ADCY8: variants seen among roughly 807,000 people sequenced by gnomAD.
The protein encoded by ADCY8 is adenylate cyclase 8, also known as adenylate cyclase type 8.
A neutral mutation model predicts 119.7 loss-of-function variants in ADCY8; 51 were observed. That is an observed-to-expected ratio of 0.43 (90% confidence interval 0.34 to 0.54). The LOEUF (loss-of-function observed/expected upper bound fraction) is 0.54, where lower values mean the gene tolerates loss of function less well. Ranked by LOEUF, ADCY8 falls within the 20% of genes least tolerant of loss-of-function variation. The probability of loss-of-function intolerance (pLI) is 0.03; values close to 1 mark genes in which losing one functional copy is unlikely to be tolerated. For synonymous variants in ADCY8, 665 were observed against 651.0 expected (o/e 1.02, Z -0.33); for missense variants, 1,383 against 1,598.8 (o/e 0.87, Z 2.30).
chr8:130,918,300 C>A (rs1476021083), intron 5 of ADCY8, among the ~76,000 whole-genome samples: 1 of 152,132 alleles, frequency 6.6e-6, no homozygotes, highest in Non-Finnish European at 1.5e-5. Flanking sequence ...TCCTACTGTG[C>A]CCCTACAAGG....
intron 12 of ADCY8, among the ~76,000 whole-genome samples, chr8:130,822,667 C>A (rs1237962977): frequency 6.6e-6 from 1 of 152,090 alleles, no homozygotes; most frequent in Non-Finnish European, 1.5e-5. Flanking sequence ...TCCTTTTATT[C>A]TTTCATGTCA....
intron 14 of ADCY8, among the ~76,000 whole-genome samples, chr8:130,807,061 G>T (rs998115389): frequency 6.6e-6 from 1 of 152,160 alleles, no homozygotes. Context: ...AGCTATTATT[G>T]GTTTATTGTG....
At chr8:130,869,939 CTCTTCT>C (rs757467612) in intron 8 of ADCY8, among the ~76,000 whole-genome samples, 24 of 145,380 alleles carry the variant, frequency 1.7e-4, no homozygotes, top group South Asian at 1.3e-3. Context: ...CCTCCTCCTC[CTCTTCT>C]TCTTCTTCTT....
intron 14 of ADCY8, among the ~76,000 whole-genome samples, chr8:130,810,146 G>T (rs1041435138): frequency 1.3e-5 from 2 of 152,110 alleles, no homozygotes; most frequent in African/African-American, 4.8e-5. Flanking sequence ...TTGTGGCTCC[G>T]TGAAACTCAC....
intron 6 of ADCY8, among the ~76,000 whole-genome samples, chr8:130,905,720 C>T (rs1182229311): frequency 1.3e-5 from 2 of 151,956 alleles, no homozygotes; most frequent in African/African-American, 2.4e-5. Flanking sequence ...GTTAGCTGGG[C>T]GTGGTGGTGC....
At chr8:130,846,277 C>T (rs995117952) in intron 11 of ADCY8, among the ~76,000 whole-genome samples, 1 of 152,000 alleles carries the variant, frequency 6.6e-6, no homozygotes. Flanking sequence ...GAATGTCTAC[C>T]CTAATATGTA....
chr8:130,833,206 C>T (rs1816891112), intron 12 of ADCY8, among the ~76,000 whole-genome samples: 2 of 152,178 alleles, frequency 1.3e-5, no homozygotes, highest in Non-Finnish European at 2.9e-5. Flanking sequence ...GCACACAGTA[C>T]TTAAAAAGTG....
intron 2 of ADCY8, among the ~76,000 whole-genome samples, chr8:130,979,710 A>G (rs938336156): frequency 6.6e-6 from 1 of 152,202 alleles, no homozygotes; most frequent in African/African-American, 2.4e-5. Context: ...TATAAAATGG[A>G]GGTAAAAAAT....
rs547562926 is a variant in ADCY8, at chr8:130,902,272, G to A, written c.1911+1500C>T. ...AACAATAGGCAAAAGCAGCAGAGAGGGCACTGTCAGCTGGTCATGCACCCA... is the reference window on the plus strand; with the variant it reads ...AACAATAGGCAAAAGCAGCAGAGAGAGCACTGTCAGCTGGTCATGCACCCA... On this transcript the variant is annotated intron_variant, in intron 7 of 17. Coordinates refer to ENST00000286355, the MANE Select transcript of ADCY8 (RefSeq NM_001115.3). Among the ~76,000 whole-genome samples, 77 of 152,184 alleles carry A rather than the reference G, an allele frequency of 5.1e-4. 1 individual carries two copies. Among genetic ancestry groups the A allele is most frequent in the African/African-American group, 1.8e-3 (76 of 41,526 alleles).
chr8:130,847,378 T>G, intron 11 of ADCY8, 46 bp downstream of exon 11: 2 of 1,400,330 alleles, frequency 1.4e-6, no homozygotes, highest in Non-Finnish European at 2.0e-6. Flanking sequence ...CTGGTAGAGA[T>G]ATATCTATGT....
chr8:131,004,633 T>C (rs1823057901), intron 1 of ADCY8, among the ~76,000 whole-genome samples: 6 of 152,224 alleles, frequency 3.9e-5, no homozygotes, highest in Admixed American at 3.9e-4. Flanking sequence ...CTTATTCATC[T>C]GTAGAGTAAT....
intron 5 of ADCY8, 116 bp from the exon 6 acceptor site, chr8:130,909,982 G>A: frequency 1.0e-6 from 1 of 959,274 alleles, no homozygotes; most frequent in Non-Finnish European, 1.5e-6. Context: ...CTGTCGCCCA[G>A]GCTGGAGTGC....
chr8:130,841,994 T>C (rs1313629745), intron 11 of ADCY8, among the ~76,000 whole-genome samples: 2 of 152,148 alleles, frequency 1.3e-5, no homozygotes. Flanking sequence ...CACAAGGTGA[T>C]GGGAAGATGG....
At chr8:130,958,523 C>T (rs1229508491) in intron 2 of ADCY8, among the ~76,000 whole-genome samples, 3 of 152,180 alleles carry the variant, frequency 2.0e-5, no homozygotes, top group Non-Finnish European at 2.9e-5. Flanking sequence ...AATGGATTCA[C>T]AGTTCCACAT....
chr8:131,030,749 A>G lies in ADCY8; in HGVS notation c.960+8625T>C, dbSNP rs556981544. Among the ~76,000 whole-genome samples, 17 of 152,362 alleles carry G rather than the reference A, an allele frequency of 1.1e-4. No individual in the cohort carries two copies. In the South Asian group the frequency reaches 1.7e-3, roughly 15 times the overall value. On this transcript the variant is annotated intron_variant, in intron 1 of 17. Transcript: ENST00000286355. ...TTTGGGGGAAAAGTTTATCTATTCAATAGTTATTCCACCTTTCATTCTAAT... is the reference window on the plus strand; with the variant it reads ...TTTGGGGGAAAAGTTTATCTATTCAGTAGTTATTCCACCTTTCATTCTAAT...
chr8:130,996,853 C>T (rs982131414), intron 1 of ADCY8, among the ~76,000 whole-genome samples: 1 of 152,098 alleles, frequency 6.6e-6, no homozygotes, highest in Admixed American at 6.5e-5. Flanking sequence ...AGGAACTTTA[C>T]TGTAATATTT....
At chr8:130,943,022 G>A (rs1821002188) in intron 4 of ADCY8, among the ~76,000 whole-genome samples, 1 of 152,080 alleles carries the variant, frequency 6.6e-6, no homozygotes, top group South Asian at 2.1e-4. Context: ...GCATGCATGA[G>A]CACTGAAGCT....
At chr8:130,806,255 C>T (rs1815953377) in intron 14 of ADCY8, among the ~76,000 whole-genome samples, 1 of 152,220 alleles carries the variant, frequency 6.6e-6, no homozygotes, top group Admixed American at 6.5e-5. Context: ...CAGTTGTCTG[C>T]CTGCTCCTCT....
intron 8 of ADCY8, among the ~76,000 whole-genome samples, chr8:130,881,848 A>AT (rs35121882): frequency 0.019 from 2,769 of 145,190 alleles, 53 homozygotes; most frequent in African/African-American, 0.047. Context: ...TTCTCTGATA[A>AT]TTTTTTTTTT....
Sources: gnomAD v4.1 joint callset for allele counts (sites outside exome capture counted in the v4.1 genomes callset) on GRCh38, gnomAD v4.1.1 for gene constraint, MANE v1.5 for transcripts, NCBI Gene and HGNC (gene_info 2026-07-23, HGNC 2026-07-21) for gene names.